Variants in ZFP1 observed in about 807,000 individuals in gnomAD.
ZFP1 encodes ZFP1 zinc finger protein.
Under a neutral mutation model 38.5 loss-of-function variants are expected in ZFP1, and 32 were observed. The observed-to-expected ratio is 0.83, with a 90% CI of 0.63 to 1.12. ZFP1 has a LOEUF of 1.12. Among genes scored for constraint, ZFP1 ranks in the 50% most tolerant of loss-of-function variants. The pLI is 0.00. For missense variants in ZFP1, 616 were observed against 480.8 expected (o/e 1.28, Z -2.63); for synonymous variants, 245 against 168.8 (o/e 1.45, Z -3.50).
chr16:75,141,160 C>T, the ZFP1 span, among the ~76,000 whole-genome samples: 10 of 149,098 alleles, frequency 6.7e-5, no homozygotes, highest in African/African-American at 2.0e-4. Context: ...AACAGAAAAT[C>T]GAGTGAAAAA....
intron 2 of ZFP1, among the ~76,000 whole-genome samples, chr16:75,159,072 T>C (rs1405961999): frequency 6.6e-6 from 1 of 152,022 alleles, no homozygotes; most frequent in African/African-American, 2.4e-5. Context: ...AATTTTTGTA[T>C]TTTTTGTAGA....
upstream of ZFP1, among the ~76,000 whole-genome samples, chr16:75,147,617 A>G (rs12929720): frequency 8.1e-3 from 1,239 of 152,190 alleles, 7 homozygotes; most frequent in Non-Finnish European, 0.013. Flanking sequence ...AGGTTCACCA[A>G]TTGTAACAAA....
the ZFP1 span, among the ~76,000 whole-genome samples, chr16:75,135,184 TG>T: frequency 8.8e-6 from 1 of 113,866 alleles, no homozygotes; most frequent in Non-Finnish European, 1.6e-5. Context: ...CACTCCAGCC[TG>T]GGTGACAGAG....
the ZFP1 span, among the ~76,000 whole-genome samples, chr16:75,119,171 G>A: frequency 2.0e-5 from 3 of 152,138 alleles, no homozygotes; most frequent in Admixed American, 6.5e-5. Flanking sequence ...AATTAACTGA[G>A]ACCTTTCTCA....
chr16:75,146,311 C>T (rs544163906), upstream of ZFP1, among the ~76,000 whole-genome samples: 17 of 152,106 alleles, frequency 1.1e-4, no homozygotes, highest in South Asian at 6.3e-4. Flanking sequence ...TACAGGTGCC[C>T]GCCACCACGC....
intron 3 of ZFP1, 157 bp downstream of exon 3, chr16:75,167,053 C>G: frequency 7.3e-7 from 1 of 1,368,942 alleles, no homozygotes; most frequent in Non-Finnish European, 9.8e-7. Context: ...GCTCTATCAT[C>G]TCCTTTCCTT....
chr16:75,147,858 C>T (rs1681521607), upstream of ZFP1, among the ~76,000 whole-genome samples: 1 of 152,066 alleles, frequency 6.6e-6, no homozygotes, highest in South Asian at 2.1e-4. Context: ...AGCTATGTGA[C>T]GATAGTTGAC....
chr16:75,163,414 C>A (rs2037891769), intron 2 of ZFP1, among the ~76,000 whole-genome samples: 1 of 151,662 alleles, frequency 6.6e-6, no homozygotes, highest in African/African-American at 2.4e-5. Flanking sequence ...CGGGTTCAAG[C>A]AATTCTCCTG....
chr16:75,161,774 A>ATATATATATATATATATATATATATAT (rs1555523101), intron 2 of ZFP1, among the ~76,000 whole-genome samples: 1 of 7,822 alleles, frequency 1.3e-4, no homozygotes, highest in Non-Finnish European at 2.8e-4. Flanking sequence ...ATATATATAT[A>ATATATATATATATATATATATATATAT]TTTTTTTTTT....
At chr16:75,140,742 G>A in the ZFP1 span, among the ~76,000 whole-genome samples, 13 of 152,134 alleles carry the variant, frequency 8.5e-5, no homozygotes, top group African/African-American at 1.9e-4. Context: ...GGCGGATCAC[G>A]AGGTCAGGAG....
chr16:75,146,701 G>C (rs2036950520), upstream of ZFP1, among the ~76,000 whole-genome samples: 1 of 152,130 alleles, frequency 6.6e-6, no homozygotes, highest in Non-Finnish European at 1.5e-5. Flanking sequence ...CACTTTGGGA[G>C]GCCAAGGCAG....
chr16:75,152,984 T>G lies in ZFP1; in HGVS notation c.15+18T>G. 6.2e-7 allele frequency: 1 copy of G among 1,613,502 alleles called. No individual in the cohort carries two copies. Among genetic ancestry groups the G allele is most frequent in the Non-Finnish European group, 8.5e-7 (1 of 1,179,766 alleles). ...AATCCCAGGTGAGTTGTTTGTTTATTCCCCATTTTGCTTTTCAGTGCATTT... is the reference window on the plus strand; with the variant it reads ...AATCCCAGGTGAGTTGTTTGTTTATGCCCCATTTTGCTTTTCAGTGCATTT... On this transcript the variant is annotated intron_variant, in intron 2 of 3. Transcript: ENST00000570010.
At chr16:75,169,176 G>T in intron 3 of ZFP1, 77 bp from the exon 4 acceptor site, 1 of 1,501,850 alleles carries the variant, frequency 6.7e-7, no homozygotes, top group South Asian at 1.4e-5. Context: ...GATAGAACAC[G>T]TGTGAAGACT....
chr16:75,146,384 G>C (rs369098188), upstream of ZFP1, among the ~76,000 whole-genome samples: 1 of 151,928 alleles, frequency 6.6e-6, no homozygotes, highest in Admixed American at 6.6e-5. Flanking sequence ...AGCCAGGATG[G>C]TCTCGATCTC....
chr16:75,139,904 C>T, the ZFP1 span, among the ~76,000 whole-genome samples: 8 of 152,122 alleles, frequency 5.3e-5, no homozygotes, highest in African/African-American at 9.7e-5. Flanking sequence ...GTATTTAATA[C>T]CTCTGAACTG....
intron 2 of ZFP1, among the ~76,000 whole-genome samples, chr16:75,153,567 G>A (rs62059251): frequency 0.22 from 32,783 of 151,952 alleles, 4,344 homozygotes; most frequent in Non-Finnish European, 0.3. Context: ...GCAGTTTTGG[G>A]TTTACAGAAA....
chr16:75,119,873 A>G, the ZFP1 span, among the ~76,000 whole-genome samples: 2 of 152,126 alleles, frequency 1.3e-5, no homozygotes, highest in South Asian at 4.1e-4. Context: ...ACAAAGGATG[A>G]TGTGATAGGG....
the ZFP1 span, among the ~76,000 whole-genome samples, chr16:75,124,393 C>T: frequency 1.3e-5 from 2 of 150,994 alleles, no homozygotes; most frequent in Admixed American, 6.6e-5. Context: ...CTCCTGACCT[C>T]AGGTGATCTG....
intron 3 of ZFP1, 58 bp from the exon 4 acceptor site, chr16:75,169,195 G>C (rs201725484): frequency 2.0e-6 from 3 of 1,520,042 alleles, no homozygotes; most frequent in Non-Finnish European, 2.6e-6. Flanking sequence ...CTTCCCATTC[G>C]GTAACATTAT....
Sources: gnomAD v4.1 joint callset for allele counts (sites outside exome capture counted in the v4.1 genomes callset) on GRCh38, gnomAD v4.1.1 for gene constraint, MANE v1.5 for transcripts, NCBI Gene and HGNC (gene_info 2026-07-23, HGNC 2026-07-21) for gene names.